TTC23: variants seen among roughly 807,000 people sequenced by gnomAD.
The protein encoded by TTC23 is tetratricopeptide repeat protein 23.
Under a neutral mutation model 55.1 loss-of-function variants are expected in TTC23, and 58 were observed. That is an observed-to-expected ratio of 1.05 (90% CI 0.85 to 1.31). The LOEUF (loss-of-function observed/expected upper bound fraction) is 1.31, where lower values mean the gene tolerates loss of function less well. Among genes scored for constraint, TTC23 ranks in the 50% most tolerant of loss-of-function variants. The pLI, the probability that TTC23 is intolerant of heterozygous loss-of-function variation, is 0.00. For synonymous variants in TTC23, 203 were observed against 199.9 expected (o/e 1.02, Z -0.13); for missense variants, 516 against 534.4 (o/e 0.97, Z 0.34).
intron 8 of TTC23, among the ~76,000 whole-genome samples, chr15:99,211,106 G>A (rs2077001052): frequency 6.6e-6 from 1 of 152,188 alleles, no homozygotes; most frequent in Admixed American, 6.5e-5. Flanking sequence ...TGGGTGCAGT[G>A]GCTCATGCCT....
At chr15:99,228,347 C>T (rs1222612574) in intron 5 of TTC23, 186 bp downstream of exon 5, 5 of 448,178 alleles carry the variant, frequency 1.1e-5, no homozygotes, top group Non-Finnish European at 1.9e-5. Flanking sequence ...GTTGGCCATG[C>T]GAACTGCTGT....
intron 12 of TTC23, among the ~76,000 whole-genome samples, chr15:99,146,265 G>C (rs1555493273): frequency 6.6e-6 from 1 of 152,206 alleles, no homozygotes; most frequent in African/African-American, 2.4e-5. Context: ...ATAAAAGCTG[G>C]ATCTGCCTAT....
chr15:99,184,653 G>A (rs2074493118), intron 9 of TTC23, among the ~76,000 whole-genome samples: 1 of 152,132 alleles, frequency 6.6e-6, no homozygotes, highest in Admixed American at 6.5e-5. Context: ...GATTTTACAG[G>A]CTCATAGGTG....
intron 9 of TTC23, among the ~76,000 whole-genome samples, chr15:99,187,941 T>C (rs972608530): frequency 6.6e-6 from 1 of 152,026 alleles, no homozygotes; most frequent in African/African-American, 2.4e-5. Flanking sequence ...AGTAGTTCCT[T>C]GGAAAGTTAA....
rs112826048 is a variant in TTC23 at position 99,231,098 on chromosome 15, CAT to C, written c.-20-2368_-20-2367del. Among the ~76,000 whole-genome samples the C allele has an allele frequency of 1.7e-3, 259 of 152,330 alleles. 3 individuals carry two copies. Among genetic ancestry groups the C allele is most frequent in the African/African-American group, 5.9e-3 (245 of 41,572 alleles). ...AACATCATAGCGTAATGCATTGACT[CAT>C]GTGTTGGTGGTAATGCTGGTGCAAA... is the stretch of plus-strand genomic sequence containing the variant. On this transcript the variant is annotated intron_variant, in intron 4 of 13. Transcript: ENST00000394132.
intron 12 of TTC23, among the ~76,000 whole-genome samples, chr15:99,147,277 G>A (rs1452380489): frequency 2.2e-5 from 3 of 138,686 alleles, no homozygotes; most frequent in East Asian, 2.2e-4. Flanking sequence ...CCAGGCTGGA[G>A]TGCAGCGGCG....
intron 8 of TTC23, among the ~76,000 whole-genome samples, chr15:99,206,748 C>CA (rs1006280477): frequency 2.0e-5 from 3 of 151,934 alleles, no homozygotes; most frequent in Admixed American, 6.6e-5. Flanking sequence ...TTTATCTTTT[C>CA]AAAAAACAAA....
chr15:99,227,068 G>T (rs893394174), intron 5 of TTC23, among the ~76,000 whole-genome samples: 2 of 152,226 alleles, frequency 1.3e-5, no homozygotes, highest in East Asian at 3.8e-4. Flanking sequence ...TTTTGCAGAA[G>T]TCTGTTTGAG....
At chr15:99,145,676 CTCTCTG>C (rs1324680948) in intron 12 of TTC23, among the ~76,000 whole-genome samples, 51 of 152,210 alleles carry the variant, frequency 3.4e-4, no homozygotes, top group African/African-American at 1.1e-3. Context: ...CTATGTCTCT[CTCTCTG>C]TCTCTGTCTC....
At chr15:99,232,807 T>C (rs2079034387) in intron 4 of TTC23, among the ~76,000 whole-genome samples, 1 of 152,164 alleles carries the variant, frequency 6.6e-6, no homozygotes, top group Non-Finnish European at 1.5e-5. Context: ...CAAAGAACAG[T>C]ATTAGTATAT....
chr15:99,199,349 C>T lies in TTC23; in HGVS notation c.759+570G>A, dbSNP rs768595653. Among the ~76,000 whole-genome samples, 22 of 142,388 alleles carry T rather than the reference C, an allele frequency of 1.5e-4. No homozygotes were observed. In the East Asian group the frequency reaches 2.7e-3, roughly 17 times the overall value. The allele number at this position is 142,388 out of a possible 152,430, so 93.4% of individuals were successfully genotyped here. A position where few individuals can be genotyped will look rare whatever the true frequency, so the allele number is the denominator to read the frequency against. ...TTGGGAGGCTGAGGCAGGAGGATCA[C>T]GTGAACCCAGGAGTTTGAAACCAGC... On this transcript the variant is annotated intron_variant, in intron 9 of 13. Coordinates refer to ENST00000394132, the MANE Select transcript of TTC23 (RefSeq NM_001288615.3).
rs151250637 is a variant in TTC23 at position 99,243,046 on chromosome 15, A to C, written c.-308-1487T>G. 4.9e-3 allele frequency among the ~76,000 whole-genome samples: 740 copies of C among 152,356 alleles called. 4 individuals are homozygous for C. The highest frequency in any genetic ancestry group is 0.017 in the African/African-American group (698 of 41,590). ...CTGCTGTATAGCAAAGGAAACAATC[A>C]ACAAAGTGAAGAGACAACCCACAGA... On this transcript the variant is annotated intron_variant, in intron 2 of 13. Coordinates refer to ENST00000394132, the MANE Select transcript of TTC23 (RefSeq NM_001288615.3).
chr15:99,181,717 T>C (rs1275954607), intron 9 of TTC23, among the ~76,000 whole-genome samples: 1 of 152,166 alleles, frequency 6.6e-6, no homozygotes, highest in Non-Finnish European at 1.5e-5. Context: ...AAGGCTTTCA[T>C]GGCCACACAC....
intron 9 of TTC23, among the ~76,000 whole-genome samples, chr15:99,187,337 A>G (rs975110652): frequency 1.3e-5 from 2 of 151,606 alleles, no homozygotes; most frequent in African/African-American, 4.8e-5. Context: ...AATGAATCAA[A>G]AACCCATGTG....
intron 11 of TTC23, chr15:99,158,716 A>C (rs911922751): frequency 1.3e-5 from 2 of 152,344 alleles, no homozygotes; most frequent in Admixed American, 6.5e-5. Flanking sequence ...AAGGCATTTC[A>C]TCCCTCAAAT....
At chr15:99,207,841 A>G (rs147966923) in intron 8 of TTC23, among the ~76,000 whole-genome samples, 187 of 152,342 alleles carry the variant, frequency 1.2e-3, no homozygotes, top group African/African-American at 4.3e-3. Flanking sequence ...AGGACGCTGA[A>G]TAACAAGAAT....
chr15:99,166,624 C>T (rs533963777), intron 10 of TTC23, among the ~76,000 whole-genome samples: 3 of 152,290 alleles, frequency 2.0e-5, no homozygotes, highest in South Asian at 2.1e-4. Flanking sequence ...GGTGGGCAGA[C>T]GGAGATGGGC....
In TTC23 at chr15:99,175,173, A is replaced by G. The variant is rs766972632; in HGVS notation, c.760-18T>C. 2.5e-6 allele frequency: 4 copies of G among 1,603,882 alleles called. No homozygotes were observed. The African/African-American group carries it at 5.4e-5, about 21-fold the overall frequency. On this transcript the variant is annotated intron_variant, in intron 9 of 13. Coordinates refer to ENST00000394132, the MANE Select transcript of TTC23 (RefSeq NM_001288615.3). Reference sequence around the variant, plus strand: ...AGATGTGCCTGTCACCACAGAAAGAAGAAACATGTTGTTTACATACTTGGC... The same window carrying G: ...AGATGTGCCTGTCACCACAGAAAGAGGAAACATGTTGTTTACATACTTGGC...
intron 11 of TTC23, chr15:99,161,059 A>G (rs1458649306): frequency 6.6e-6 from 1 of 151,634 alleles, no homozygotes; most frequent in Non-Finnish European, 1.5e-5. Context: ...AAAAGTAAAC[A>G]GGACTTAGGT....
Sources: allele counts gnomAD v4.1 joint callset (sites outside exome capture counted in the v4.1 genomes callset), GRCh38; gene constraint gnomAD v4.1.1; transcripts MANE v1.5; gene names NCBI Gene and HGNC (gene_info 2026-07-23, HGNC 2026-07-21).